NRXN3: variants seen among roughly 807,000 people sequenced by gnomAD.
The protein encoded by NRXN3 is neurexin III.
In NRXN3, 32 loss-of-function variants were observed where a neutral mutation model predicts 137.6. That is an observed-to-expected ratio of 0.23 (90% CI 0.18 to 0.31). The LOEUF is 0.31. Ranked by LOEUF, NRXN3 falls within the 10% of genes least tolerant of loss-of-function variation. NRXN3 has a pLI of 1.00. For synonymous variants in NRXN3, 798 were observed against 784.5 expected (o/e 1.02, Z -0.29); for missense variants, 1,574 against 2,062.5 (o/e 0.76, Z 4.59).
chr14:79,836,734 G>T (rs191319607), intron 20 of NRXN3, among the ~76,000 whole-genome samples: 31 of 152,244 alleles, frequency 2.0e-4, no homozygotes, highest in African/African-American at 7.2e-4. Context: ...GTAACAGACA[G>T]CTGTGCCCAG....
intron 16 of NRXN3, among the ~76,000 whole-genome samples, chr14:79,551,875 A>T (rs2097375749): frequency 6.6e-6 from 1 of 152,304 alleles, no homozygotes; most frequent in African/African-American, 2.4e-5. Flanking sequence ...ATTTGATGTC[A>T]GAAGAAGCTA....
chr14:79,397,714 G>A (rs939613099), intron 15 of NRXN3, among the ~76,000 whole-genome samples: 5 of 152,190 alleles, frequency 3.3e-5, no homozygotes, highest in African/African-American at 1.2e-4. Flanking sequence ...TATTTCCAGA[G>A]ATGGGCAAGG....
At chr14:78,710,117 G>A (rs2152834138) in intron 7 of NRXN3, among the ~76,000 whole-genome samples, 1 of 152,248 alleles carries the variant, frequency 6.6e-6, no homozygotes, top group African/African-American at 2.4e-5. Flanking sequence ...TTCAGTAATT[G>A]GCAAGAGTCA....
chr14:78,355,828 T>A (rs1003612), intron 4 of NRXN3, among the ~76,000 whole-genome samples: 150,588 of 152,364 alleles, frequency 0.99, 74,438 homozygotes, highest in East Asian at 1. Flanking sequence ...CATGATTGGT[T>A]AGGAGAGTTG....
intron 4 of NRXN3, among the ~76,000 whole-genome samples, chr14:78,527,916 C>A (rs996255536): frequency 6.6e-6 from 1 of 152,066 alleles, no homozygotes; most frequent in African/African-American, 2.4e-5. Flanking sequence ...AAAACTTTAT[C>A]AAGAAGAATT....
At chr14:78,390,221 G>A (rs542042498) in intron 4 of NRXN3, among the ~76,000 whole-genome samples, 3 of 152,176 alleles carry the variant, frequency 2.0e-5, no homozygotes, top group Non-Finnish European at 4.4e-5. Context: ...ATCTAGAGCA[G>A]TGGTTTTTAA....
At chr14:78,212,916 C>G (rs1266418663) in intron 1 of NRXN3, among the ~76,000 whole-genome samples, 2 of 152,096 alleles carry the variant, frequency 1.3e-5, no homozygotes, top group Non-Finnish European at 2.9e-5. Flanking sequence ...AAAAGTGGAG[C>G]TTTTCTGGTT....
intron 20 of NRXN3, among the ~76,000 whole-genome samples, chr14:79,843,617 C>G (rs1190591117): frequency 6.6e-6 from 1 of 152,130 alleles, no homozygotes; most frequent in African/African-American, 2.4e-5. Flanking sequence ...GTGCCTCTAT[C>G]AATTAAGTTT....
chr14:78,816,643 G>A (rs2098934253), intron 10 of NRXN3, among the ~76,000 whole-genome samples: 1 of 152,112 alleles, frequency 6.6e-6, no homozygotes, highest in Non-Finnish European at 1.5e-5. Flanking sequence ...ATGCATACAT[G>A]TATAAGAAGA....
chr14:79,326,890 T>A (rs1042017704), intron 15 of NRXN3, among the ~76,000 whole-genome samples: 3 of 152,180 alleles, frequency 2.0e-5, no homozygotes, highest in African/African-American at 7.2e-5. Flanking sequence ...ACTGGTCCTC[T>A]CTCTGACTGT....
In NRXN3 at chr14:78,871,663, T is replaced by C. The variant is rs542577576; in HGVS notation, c.2275+61319T>C. Among the ~76,000 whole-genome samples the C allele has an allele frequency of 1.3e-4, 20 of 152,240 alleles. No individual in the cohort carries two copies. The South Asian group carries it at 3.9e-3, about 30-fold the overall frequency. ...TCAGTCTATAAGACTCATCCAAAACTTTGGAATTGGAAGTCCAATCTCCTC... is the reference window on the plus strand; with the variant it reads ...TCAGTCTATAAGACTCATCCAAAACCTTGGAATTGGAAGTCCAATCTCCTC... On this transcript the variant is annotated intron_variant, in intron 10 of 20. Transcript: ENST00000335750.
At chr14:78,371,786 G>T (rs1438229662) in intron 4 of NRXN3, among the ~76,000 whole-genome samples, 2 of 152,230 alleles carry the variant, frequency 1.3e-5, no homozygotes, top group Admixed American at 1.3e-4. Context: ...CCAGTTCCTG[G>T]CCATGAAAGG....
At chr14:79,442,213 T>A (rs1365663597) in intron 15 of NRXN3, among the ~76,000 whole-genome samples, 1 of 152,190 alleles carries the variant, frequency 6.6e-6, no homozygotes, top group Non-Finnish European at 1.5e-5. Flanking sequence ...ATAAGCATTG[T>A]TTTGTTTGCT....
intron 19 of NRXN3, among the ~76,000 whole-genome samples, chr14:79,763,401 T>TC (rs1568158388): frequency 8.6e-5 from 13 of 151,612 alleles, no homozygotes; most frequent in Non-Finnish European, 1.6e-4. Flanking sequence ...GTAGAATGAT[T>TC]TATAATCCTT....
intron 10 of NRXN3, among the ~76,000 whole-genome samples, chr14:78,921,821 GA>G (rs1195285040): frequency 2.0e-5 from 3 of 152,110 alleles, no homozygotes; most frequent in African/African-American, 7.2e-5. Flanking sequence ...TTGTATATGG[GA>G]CTATTTGATA....
chr14:79,671,879 G>A (rs1478867842), intron 17 of NRXN3, among the ~76,000 whole-genome samples: 1 of 151,932 alleles, frequency 6.6e-6, no homozygotes, highest in Non-Finnish European at 1.5e-5. Flanking sequence ...AAAGAGACCA[G>A]ATAGAAATAC....
chr14:79,839,500 T>C (rs2099351305), intron 20 of NRXN3, among the ~76,000 whole-genome samples: 1 of 152,186 alleles, frequency 6.6e-6, no homozygotes, highest in Non-Finnish European at 1.5e-5. Flanking sequence ...AGATTATTAG[T>C]ATTGCTGTTG....
At chr14:79,775,551 C>T (rs1399624404) in intron 19 of NRXN3, among the ~76,000 whole-genome samples, 16 of 129,342 alleles carry the variant, frequency 1.2e-4, no homozygotes, top group Admixed American at 4.8e-4. Context: ...TGGGCTCTAA[C>T]CGAAAAAAAA....
intron 15 of NRXN3, among the ~76,000 whole-genome samples, chr14:79,347,941 C>T (rs2092982369): frequency 6.6e-6 from 1 of 152,172 alleles, no homozygotes; most frequent in Non-Finnish European, 1.5e-5. Context: ...CACTCAAGTC[C>T]TAACTCATTT....
Sources: allele counts gnomAD v4.1 joint callset (sites outside exome capture counted in the v4.1 genomes callset), GRCh38; gene constraint gnomAD v4.1.1; transcripts MANE v1.5; gene names NCBI Gene and HGNC (gene_info 2026-07-23, HGNC 2026-07-21).